CNTN5: variants seen among roughly 807,000 people sequenced by gnomAD.
CNTN5 encodes contactin-5.
In CNTN5, 77 loss-of-function variants were observed where a neutral mutation model predicts 129.1. The ratio of observed to expected loss-of-function variants is 0.60; its 90% confidence interval spans 0.50 to 0.72. The LOEUF is 0.72. CNTN5 is among the 30% of genes least tolerant of loss of function. The probability of loss-of-function intolerance (pLI) is 0.00; values close to 1 mark genes in which losing one functional copy is unlikely to be tolerated. For missense variants in CNTN5, 1,478 were observed against 1,328.8 expected (o/e 1.11, Z -1.75); for synonymous variants, 509 against 465.6 (o/e 1.09, Z -1.20).
intron 2 of CNTN5, among the ~76,000 whole-genome samples, chr11:99,443,936 G>T (rs971457809): frequency 1.3e-5 from 2 of 152,010 alleles, no homozygotes; most frequent in Non-Finnish European, 1.5e-5. Context: ...CGTGGCTCAC[G>T]CGTGTAATCC....
At chr11:99,641,782 C>T (rs1951781055) in intron 3 of CNTN5, among the ~76,000 whole-genome samples, 1 of 152,132 alleles carries the variant, frequency 6.6e-6, no homozygotes, top group Admixed American at 6.5e-5. Flanking sequence ...CTTAGCTTCC[C>T]TCCCTTTGCC....
At chr11:99,718,142 A>G (rs1943043651) in intron 3 of CNTN5, among the ~76,000 whole-genome samples, 1 of 151,976 alleles carries the variant, frequency 6.6e-6, no homozygotes, top group Admixed American at 6.6e-5. Context: ...ATCTTCAGGA[A>G]TTATTTATTT....
At chr11:100,339,353 TG>T (rs1952109042) in intron 21 of CNTN5, among the ~76,000 whole-genome samples, 1 of 151,976 alleles carries the variant, frequency 6.6e-6, no homozygotes, top group Admixed American at 6.6e-5. Flanking sequence ...TGGCTCTCAG[TG>T]GAGAAGGGAG....
chr11:100,079,574 A>G (rs1224813796), intron 13 of CNTN5, among the ~76,000 whole-genome samples: 1 of 152,174 alleles, frequency 6.6e-6, no homozygotes, highest in East Asian at 1.9e-4. Flanking sequence ...AACATTTTAT[A>G]GGCCATGTGC....
chr11:100,311,728 A>G (rs1951478244), intron 21 of CNTN5, among the ~76,000 whole-genome samples: 1 of 151,976 alleles, frequency 6.6e-6, no homozygotes, highest in African/African-American at 2.4e-5. Context: ...GGAATTCAGA[A>G]AGATGAGACC....
chr11:99,867,334 T>C (rs995347270), intron 6 of CNTN5, among the ~76,000 whole-genome samples: 1 of 152,234 alleles, frequency 6.6e-6, no homozygotes, highest in African/African-American at 2.4e-5. Flanking sequence ...GATTCTATCA[T>C]AAGAACCAGA....
chr11:99,659,693 A>T (rs1952525130), intron 3 of CNTN5, among the ~76,000 whole-genome samples: 1 of 152,114 alleles, frequency 6.6e-6, no homozygotes, highest in Non-Finnish European at 1.5e-5. Flanking sequence ...AGTCTTTTTT[A>T]TCTTAAGGCC....
intron 6 of CNTN5, among the ~76,000 whole-genome samples, chr11:99,867,989 C>A (rs11221704): frequency 6.6e-6 from 1 of 151,840 alleles, no homozygotes; most frequent in Non-Finnish European, 1.5e-5. Context: ...CTGAGTCAGG[C>A]GGATTACCTG....
At chr11:99,840,771 T>G (rs550793444) in intron 4 of CNTN5, among the ~76,000 whole-genome samples, 1 of 152,288 alleles carries the variant, frequency 6.6e-6, no homozygotes, top group South Asian at 2.1e-4. Context: ...ATCTTTGTGA[T>G]AATTTGCTAT....
chr11:99,485,237 A>G (rs1591143264), intron 2 of CNTN5, among the ~76,000 whole-genome samples: 1 of 103,424 alleles, frequency 9.7e-6, no homozygotes, highest in African/African-American at 3.1e-5. Context: ...ACCCCCCAAA[A>G]TTGTTTAAAA....
At chr11:99,406,578 C>A (rs1942077681) in intron 2 of CNTN5, among the ~76,000 whole-genome samples, 1 of 152,146 alleles carries the variant, frequency 6.6e-6, no homozygotes, top group South Asian at 2.1e-4. Context: ...TCATTCAAAG[C>A]CCTGGGGCTC....
chr11:99,969,360 G>A (rs958035305), intron 8 of CNTN5, among the ~76,000 whole-genome samples: 4 of 152,108 alleles, frequency 2.6e-5, no homozygotes, highest in African/African-American at 9.7e-5. Flanking sequence ...TTGTAACTAT[G>A]AACACATCTT....
chr11:99,957,356 A>G (rs1043618503), intron 8 of CNTN5, among the ~76,000 whole-genome samples: 1 of 152,270 alleles, frequency 6.6e-6, no homozygotes, highest in Admixed American at 6.5e-5. Flanking sequence ...CAAGCATTTT[A>G]TGGGTTCACT....
chr11:99,566,521 T>G (rs1421837559), intron 3 of CNTN5, among the ~76,000 whole-genome samples: 1 of 152,200 alleles, frequency 6.6e-6, no homozygotes, highest in Non-Finnish European at 1.5e-5. Context: ...GTCACATTCT[T>G]TTTTACTACT....
intron 1 of CNTN5, among the ~76,000 whole-genome samples, chr11:99,289,416 C>T (rs1430548478): frequency 6.6e-6 from 1 of 151,766 alleles, no homozygotes; most frequent in African/African-American, 2.4e-5. Context: ...ACTGGGAGAT[C>T]AGAGTGTATA....
intron 16 of CNTN5, among the ~76,000 whole-genome samples, chr11:100,246,847 T>G (rs1308334258): frequency 6.6e-6 from 1 of 152,186 alleles, no homozygotes; most frequent in Non-Finnish European, 1.5e-5. Flanking sequence ...AAATTATTAA[T>G]TCAATGACTT....
At chr11:99,164,271 C>T (rs193173717) in intron 1 of CNTN5, among the ~76,000 whole-genome samples, 256 of 144,304 alleles carry the variant, frequency 1.8e-3, no homozygotes, top group Non-Finnish European at 2.8e-3. Flanking sequence ...TGTAGTGAGC[C>T]GAGATCGCGC....
chr11:100,044,632 G>A (rs1360110515), intron 9 of CNTN5, among the ~76,000 whole-genome samples: 2 of 147,780 alleles, frequency 1.4e-5, no homozygotes, highest in East Asian at 2.0e-4. Flanking sequence ...CTTTTTTTTT[G>A]AAAAATGTCT....
chr11:100,091,924 C>G (rs570770481), intron 13 of CNTN5, among the ~76,000 whole-genome samples: 1 of 151,956 alleles, frequency 6.6e-6, no homozygotes, highest in Non-Finnish European at 1.5e-5. Flanking sequence ...CATGACTCAA[C>G]CTCACAAAAG....
Sources: gnomAD v4.1 joint callset for allele counts (sites outside exome capture counted in the v4.1 genomes callset) on GRCh38, gnomAD v4.1.1 for gene constraint, MANE v1.5 for transcripts, NCBI Gene and HGNC (gene_info 2026-07-23, HGNC 2026-07-21) for gene names.